The following CUL4A variants were observed in gnomAD, a reference collection of about 807,000 sequenced individuals.
CUL4A encodes the protein cullin 4A.
Under a neutral mutation model 95.5 loss-of-function variants are expected in CUL4A, and 16 were observed. That is an observed-to-expected ratio of 0.17 (90% CI 0.11 to 0.25). The LOEUF (loss-of-function observed/expected upper bound fraction) is 0.25. Among genes scored for constraint, CUL4A ranks in the 10% least tolerant of loss-of-function variants. The pLI, the probability that CUL4A is intolerant of heterozygous loss-of-function variation, is 1.00. For missense variants in CUL4A, 610 were observed against 937.0 expected (o/e 0.65, Z 4.56); for synonymous variants, 380 against 353.1 (o/e 1.08, Z -0.85).
intron 2 of CUL4A, among the ~76,000 whole-genome samples, chr13:113,216,280 C>G (rs1295841122): frequency 6.6e-6 from 1 of 152,204 alleles, no homozygotes; most frequent in African/African-American, 2.4e-5. Context: ...AGGGATTGCC[C>G]TTATCCGCAG....
intron 9 of CUL4A, among the ~76,000 whole-genome samples, chr13:113,238,174 A>G (rs187187537): frequency 1.1e-4 from 16 of 152,296 alleles, no homozygotes; most frequent in African/African-American, 3.9e-4. Context: ...AGTGGCCCAT[A>G]CCTGTGACAT....
At chr13:113,220,597 A>G (rs1268644269) in intron 3 of CUL4A, among the ~76,000 whole-genome samples, 2 of 152,188 alleles carry the variant, frequency 1.3e-5, no homozygotes, top group African/African-American at 4.8e-5. Flanking sequence ...GCCTTCTCCC[A>G]AAGACTTAGG....
upstream of CUL4A, chr13:113,208,871 G>C: frequency 7.1e-7 from 1 of 1,403,806 alleles, no homozygotes; most frequent in South Asian, 1.5e-5. Context: ...CTCTGATTGT[G>C]TGTTCGGGCC....
chr13:113,211,232 C>T (rs1010469578), intron 2 of CUL4A, among the ~76,000 whole-genome samples: 2 of 152,248 alleles, frequency 1.3e-5, no homozygotes, highest in Non-Finnish European at 2.9e-5. Flanking sequence ...ATTTCATAGT[C>T]TTTTGTATCT....
intron 18 of CUL4A, among the ~76,000 whole-genome samples, chr13:113,259,555 T>A (rs570925675): frequency 3.3e-5 from 5 of 152,330 alleles, no homozygotes; most frequent in Admixed American, 2.0e-4. Context: ...TTGTTTTAAA[T>A]CAAAAAATCA....
chr13:113,243,217 C>G (rs533146735), intron 11 of CUL4A, 57 bp downstream of exon 11: 1 of 1,500,150 alleles, frequency 6.7e-7, no homozygotes, highest in East Asian at 2.3e-5. Context: ...TCACCCATTT[C>G]TAGACAATTT....
intron 14 of CUL4A, 87 bp downstream of exon 14, chr13:113,245,324 G>T: frequency 1.7e-6 from 2 of 1,193,840 alleles, no homozygotes; most frequent in Admixed American, 1.8e-5. Flanking sequence ...CACTTTGGGA[G>T]GCAGAGGCAA....
rs200368870 is a variant in CUL4A, at chr13:113,233,208, A to G, written c.544A>G (p.Ile182Val). The G allele has an allele frequency of 9.8e-5, 158 of 1,613,662 alleles. No homozygotes were observed. Among genetic ancestry groups the G allele is most frequent in the Admixed American group, 1.5e-4 (9 of 60,000 alleles). ...GGGATTAGAACTGTTTAGAACCCAT[A>G]TTATTAGTGATAAAATGGTTCAGAG... is the stretch of plus-strand genomic sequence containing the variant. ...DMGLELFRTH[I>V]ISDKMVQSKT... The change falls in exon 6 of 20, where the codon ATT (isoleucine) becomes GTT (valine). Residue 182 changes from isoleucine to valine, a missense_variant. Ile to Val is a conservative substitution (Grantham distance 29). Transcript: ENST00000375440.
chr13:113,230,597 A>AT (rs2041274894), intron 5 of CUL4A, among the ~76,000 whole-genome samples: 1 of 152,084 alleles, frequency 6.6e-6, no homozygotes, highest in Admixed American at 6.6e-5. Context: ...ATTATTTAGC[A>AT]TTTGCTCTGT....
chr13:113,229,811 CT>C, intron 5 of CUL4A: 1 of 479,180 alleles, frequency 2.1e-6, no homozygotes, highest in Non-Finnish European at 3.6e-6. Flanking sequence ...GAGGTTGAGC[CT>C]GGAGCGGCTC....
chr13:113,234,963 T>C (rs2041489875), intron 7 of CUL4A, 100 bp from the exon 8 acceptor site: 1 of 872,958 alleles, frequency 1.1e-6, no homozygotes, highest in Non-Finnish European at 1.8e-6. Context: ...TGTATTCTGC[T>C]TTTTAAAAAA....
chr13:113,255,988 T>G lies in CUL4A; in HGVS notation c.2031+863T>G, dbSNP rs1439399232. Among the ~76,000 whole-genome samples the G allele has an allele frequency of 3.3e-5, 5 of 152,188 alleles. No homozygotes were observed. The East Asian group carries it at 9.6e-4, about 29-fold the overall frequency. The stretch of plus-strand genomic sequence containing the variant: ...AAGGTAACCACTACTGCCCTTTTTG[T>G]TTGTGGTCACAGCCTTTTTCTGTGG... On this transcript the variant is annotated intron_variant, in intron 18 of 19. Coordinates refer to ENST00000375440, the MANE Select transcript of CUL4A (RefSeq NM_001008895.4).
chr13:113,233,124 A>G, intron 5 of CUL4A, 53 bp from the exon 6 acceptor site: 1 of 1,571,308 alleles, frequency 6.4e-7, no homozygotes, highest in South Asian at 1.2e-5. Context: ...ATTCACCCAT[A>G]ACTTCTAAAA....
chr13:113,232,343 C>T (rs987549069), intron 5 of CUL4A, among the ~76,000 whole-genome samples: 5 of 152,018 alleles, frequency 3.3e-5, no homozygotes, highest in Admixed American at 2.0e-4. Flanking sequence ...TTACTGTCAC[C>T]GCCACCACCG....
chr13:113,213,531 A>G (rs568111800), intron 2 of CUL4A, among the ~76,000 whole-genome samples: 1 of 152,366 alleles, frequency 6.6e-6, no homozygotes, highest in South Asian at 2.1e-4. Flanking sequence ...TTAATAAAAT[A>G]TGATACCTTA....
At chr13:113,224,789 C>G (rs1309248612) in intron 3 of CUL4A, among the ~76,000 whole-genome samples, 1 of 152,190 alleles carries the variant, frequency 6.6e-6, no homozygotes, top group Non-Finnish European at 1.5e-5. Context: ...GATGAAGAGA[C>G]GAAAGCCCAA....
intron 12 of CUL4A, 76 bp downstream of exon 12, chr13:113,244,590 G>A (rs558722547): frequency 3.6e-5 from 37 of 1,021,424 alleles, no homozygotes; most frequent in Non-Finnish European, 5.1e-5. Context: ...AGGAGGTTTA[G>A]CATGAGAATG....
intron 3 of CUL4A, among the ~76,000 whole-genome samples, chr13:113,225,057 A>C (rs796153831): frequency 2.0e-5 from 3 of 151,886 alleles, no homozygotes; most frequent in African/African-American, 7.3e-5. Flanking sequence ...TTAGTTACAG[A>C]TATGATAGGT....
chr13:113,262,115 A>G (rs2042296276), intron 19 of CUL4A, among the ~76,000 whole-genome samples: 1 of 152,166 alleles, frequency 6.6e-6, no homozygotes, highest in Non-Finnish European at 1.5e-5. Flanking sequence ...TTATCACTGA[A>G]TAGAAGGTGA....
Sources: allele counts gnomAD v4.1 joint callset (sites outside exome capture counted in the v4.1 genomes callset), GRCh38; gene constraint gnomAD v4.1.1; transcripts MANE v1.5; gene names NCBI Gene and HGNC (gene_info 2026-07-23, HGNC 2026-07-21).